NBAS: variants seen among roughly 807,000 people sequenced by gnomAD.
NBAS encodes NAG/BC035112 fusion.
Under a neutral mutation model 302.5 loss-of-function variants are expected in NBAS, and 219 were observed. The ratio of observed to expected loss-of-function variants is 0.72; its 90% CI spans 0.65 to 0.81. The LOEUF is 0.81. Ranked by LOEUF, NBAS falls within the 30% of genes least tolerant of loss-of-function variation. NBAS has a pLI of 0.00. For synonymous variants in NBAS, 1,118 were observed against 1,021.6 expected (o/e 1.09, Z -1.80); for missense variants, 2,932 against 2,841.6 (o/e 1.03, Z -0.72).
At chr2:15,310,416 A>G (rs933079672) in intron 38 of NBAS, among the ~76,000 whole-genome samples, 7 of 152,234 alleles carry the variant, frequency 4.6e-5, no homozygotes, top group African/African-American at 1.7e-4. Flanking sequence ...GCAAGGAATC[A>G]TACAGTTTTA....
intron 11 of NBAS, among the ~76,000 whole-genome samples, chr2:15,493,010 C>G (rs564856324): frequency 6.6e-6 from 1 of 152,124 alleles, no homozygotes; most frequent in African/African-American, 2.4e-5. Context: ...AGGGGAGGGA[C>G]CTAGTGGGAG....
At chr2:15,544,949 C>T (rs28434182) in intron 6 of NBAS, among the ~76,000 whole-genome samples, 5 of 151,686 alleles carry the variant, frequency 3.3e-5, no homozygotes, top group African/African-American at 7.3e-5. Flanking sequence ...AGGTGGAGGT[C>T]GCAGTGAGCC....
intron 40 of NBAS, among the ~76,000 whole-genome samples, chr2:15,298,876 G>A (rs948348435): frequency 1.1e-4 from 16 of 152,192 alleles, no homozygotes; most frequent in African/African-American, 3.9e-4. Context: ...CCCATTTGTA[G>A]TTGAAGCATC....
At chr2:15,295,619 A>T (rs1236576500) in intron 40 of NBAS, among the ~76,000 whole-genome samples, 1 of 152,268 alleles carries the variant, frequency 6.6e-6, no homozygotes, top group Non-Finnish European at 1.5e-5. Context: ...AAAGCCATAT[A>T]CAAATCATAG....
chr2:15,279,307 A>G (rs1669726620), intron 42 of NBAS, among the ~76,000 whole-genome samples: 1 of 152,170 alleles, frequency 6.6e-6, no homozygotes, highest in South Asian at 2.1e-4. Flanking sequence ...GACTTGTTTA[A>G]GATAAAGAGT....
At chr2:15,127,004 C>T in the NBAS span, among the ~76,000 whole-genome samples, 3 of 152,166 alleles carry the variant, frequency 2.0e-5, no homozygotes, top group African/African-American at 7.2e-5. Flanking sequence ...CTTGATTTTC[C>T]CACTACATCT....
At chr2:15,137,927 G>A in the NBAS span, among the ~76,000 whole-genome samples, 2 of 152,224 alleles carry the variant, frequency 1.3e-5, no homozygotes, top group Non-Finnish European at 1.5e-5. Context: ...AGGCCACCAC[G>A]TCCAGCTAAA....
At chr2:15,366,837 G>A (rs1327292698) in intron 31 of NBAS, 144 bp from the exon 32 acceptor site, 7 of 736,558 alleles carry the variant, frequency 9.5e-6, no homozygotes, top group South Asian at 3.1e-5. Flanking sequence ...TAAAAGGCAC[G>A]TTTAACAAAC....
chr2:14,849,829 T>A, the NBAS span, among the ~76,000 whole-genome samples: 1 of 138,818 alleles, frequency 7.2e-6, no homozygotes, highest in Non-Finnish European at 1.5e-5. Flanking sequence ...CCAGCCAAAC[T>A]AAGCTTCATA....
the NBAS span, among the ~76,000 whole-genome samples, chr2:14,782,053 AT>A: frequency 1.3e-5 from 2 of 152,120 alleles, no homozygotes; most frequent in Non-Finnish European, 2.9e-5. Context: ...CCTTCCACTA[AT>A]AAAACTCCAC....
At chr2:15,440,446 G>A (rs1678315494) in intron 21 of NBAS, among the ~76,000 whole-genome samples, 1 of 152,190 alleles carries the variant, frequency 6.6e-6, no homozygotes, top group African/African-American at 2.4e-5. Flanking sequence ...GCAGCTGAGG[G>A]TCCTGTCTGT....
intron 2 of NBAS, 80 bp downstream of exon 2, chr2:15,558,500 T>C: frequency 9.4e-7 from 1 of 1,068,006 alleles, no homozygotes; most frequent in South Asian, 1.4e-5. Flanking sequence ...TTACTTTTAT[T>C]AGGCTCCACA....
chr2:14,948,841 C>T, the NBAS span, among the ~76,000 whole-genome samples: 1 of 152,042 alleles, frequency 6.6e-6, no homozygotes, highest in African/African-American at 2.4e-5. Flanking sequence ...AAAGTGGCTT[C>T]AAAATTTACT....
intron 35 of NBAS, among the ~76,000 whole-genome samples, chr2:15,338,749 C>G (rs1190656419): frequency 6.6e-6 from 1 of 151,768 alleles, no homozygotes; most frequent in East Asian, 1.9e-4. Context: ...GTGGCTCACG[C>G]CTGTAATCCC....
intron 24 of NBAS, among the ~76,000 whole-genome samples, 160 bp from the exon 25 acceptor site, chr2:15,415,879 T>G (rs1450553323): frequency 6.6e-6 from 1 of 152,138 alleles, no homozygotes; most frequent in African/African-American, 2.4e-5. Context: ...ACCACTCACA[T>G]GTGGATTGAC....
At chr2:15,304,155 A>G (rs1670928974) in intron 40 of NBAS, among the ~76,000 whole-genome samples, 1 of 152,192 alleles carries the variant, frequency 6.6e-6, no homozygotes, top group Non-Finnish European at 1.5e-5. Flanking sequence ...AGACCAGATG[A>G]AGATAACTGA....
At chr2:15,473,187 A>G (rs775234719) in intron 16 of NBAS, 35 bp downstream of exon 16, 55 of 1,608,716 alleles carry the variant, frequency 3.4e-5, no homozygotes, top group Non-Finnish European at 4.6e-5. Context: ...ACATGAATAT[A>G]CATTTTACCA....
At chr2:15,098,805 A>G in the NBAS span, among the ~76,000 whole-genome samples, 2 of 149,266 alleles carry the variant, frequency 1.3e-5, no homozygotes, top group Non-Finnish European at 3.0e-5. Context: ...AGTTTTATTG[A>G]AATATAGCAT....
rs542994367 is a variant in NBAS at position 15,288,050 on chromosome 2, A to G, written c.5028-867T>C. 4.5e-4 allele frequency among the ~76,000 whole-genome samples: 69 copies of G among 152,362 alleles called. 1 individual carries two copies. The highest frequency in any genetic ancestry group is 2.7e-3 in the Admixed American group (42 of 15,314). On this transcript the variant is annotated intron_variant, in intron 41 of 51. Coordinates refer to ENST00000281513, the MANE Select transcript of NBAS (RefSeq NM_015909.4). ...TGCATAGGCAGCCCCCACAGCCAAG[A>G]ACTGTCCAGTCAGAACGTCAACAGT...
Sources: gnomAD v4.1 joint callset for allele counts (sites outside exome capture counted in the v4.1 genomes callset) on GRCh38, gnomAD v4.1.1 for gene constraint, MANE v1.5 for transcripts, NCBI Gene and HGNC (gene_info 2026-07-23, HGNC 2026-07-21) for gene names.